MTUS2: variants seen among roughly 807,000 people sequenced by gnomAD.
The protein encoded by MTUS2 is microtubule associated scaffold protein 2, also known as microtubule-associated tumor suppressor candidate 2.
MTUS2 carries 40 observed loss-of-function variants against 114.1 expected under a neutral mutation model. That is an observed-to-expected ratio of 0.35 (90% confidence interval 0.27 to 0.46). MTUS2 has a LOEUF of 0.46. Ranked by LOEUF, MTUS2 falls within the 20% of genes least tolerant of loss-of-function variation. MTUS2 has a pLI of 1.00. For synonymous variants in MTUS2, 688 were observed against 672.0 expected, an observed-to-expected ratio of 1.02 and a Z score of -0.37; for missense variants, 1,679 against 1,705.4, an observed-to-expected ratio of 0.98 and a Z score of 0.27.
chr13:29,300,796 T>G (rs1899168226), intron 6 of MTUS2, among the ~76,000 whole-genome samples: 1 of 152,218 alleles, frequency 6.6e-6, no homozygotes, highest in Non-Finnish European at 1.5e-5. Flanking sequence ...CATCCATGGC[T>G]GGATTCACTA....
chr13:28,954,552 A>G (rs936898474), intron 2 of MTUS2, among the ~76,000 whole-genome samples: 5 of 152,172 alleles, frequency 3.3e-5, no homozygotes, highest in African/African-American at 1.2e-4. Flanking sequence ...ATAGTGGCCC[A>G]TATGGGGAGT....
intron 2 of MTUS2, among the ~76,000 whole-genome samples, chr13:28,871,897 C>G (rs73454653): frequency 6.6e-6 from 1 of 151,896 alleles, no homozygotes; most frequent in East Asian, 1.9e-4. Flanking sequence ...TGCAAAGGCC[C>G]GGTGGAGGGA....
intron 5 of MTUS2, among the ~76,000 whole-genome samples, chr13:29,123,087 T>G (rs1436811969): frequency 6.6e-6 from 1 of 152,200 alleles, no homozygotes; most frequent in Non-Finnish European, 1.5e-5. Context: ...CCCTGACGTT[T>G]CTATGCTTCA....
At chr13:29,272,804 C>A (rs1002321207) in intron 5 of MTUS2, among the ~76,000 whole-genome samples, 1 of 152,180 alleles carries the variant, frequency 6.6e-6, no homozygotes, top group Admixed American at 6.5e-5. Flanking sequence ...TTTCTTTGTG[C>A]TGCTATAACA....
At chr13:29,021,556 T>G (rs1319714960) in intron 2 of MTUS2, among the ~76,000 whole-genome samples, 1 of 152,222 alleles carries the variant, frequency 6.6e-6, no homozygotes, top group Non-Finnish European at 1.5e-5. Context: ...CTTCAACAAT[T>G]CAAACCGAAG....
rs1870468898 is a variant in MTUS2, at chr13:29,363,772, A to G, written c.3117+4299A>G. Among the ~76,000 whole-genome samples, 5 of 152,314 alleles carry G rather than the reference A, an allele frequency of 3.3e-5. No individual in the cohort carries two copies. The South Asian group carries it at 1.0e-3, about 32-fold the overall frequency. On this transcript the variant is annotated intron_variant, in intron 8 of 15. Coordinates refer to ENST00000612955, the MANE Select transcript of MTUS2 (RefSeq NM_001033602.4). The stretch of plus-strand genomic sequence containing the variant: ...AATCTTTAGCAACTCTGTCTCTACC[A>G]TATGGGGTGGGTAGGTAGGGAGGAT...
chr13:29,101,052 A>T, intron 5 of MTUS2, 82 bp downstream of exon 5: 1 of 1,371,428 alleles, frequency 7.3e-7, no homozygotes, highest in Non-Finnish European at 9.7e-7. Flanking sequence ...TTTTCTTTGC[A>T]TGATTATTTA....
chr13:29,306,504 A>G (rs1899466581), intron 6 of MTUS2, among the ~76,000 whole-genome samples: 1 of 152,236 alleles, frequency 6.6e-6, no homozygotes, highest in Admixed American at 6.5e-5. Context: ...ACAGGAAAGC[A>G]GAGAGCCAAA....
At chr13:28,936,746 T>C (rs773864238) in intron 2 of MTUS2, among the ~76,000 whole-genome samples, 37 of 152,114 alleles carry the variant, frequency 2.4e-4, no homozygotes, top group Non-Finnish European at 8.8e-5. Context: ...CAAGAATTGA[T>C]TGGGTTGTCT....
At chr13:29,054,099 T>C (rs1034060061) in intron 4 of MTUS2, among the ~76,000 whole-genome samples, 3 of 152,222 alleles carry the variant, frequency 2.0e-5, no homozygotes, top group Non-Finnish European at 4.4e-5. Flanking sequence ...TTTTTAATAT[T>C]AGCCAGTCCA....
At chr13:29,002,315 A>G (rs1885420595) in intron 2 of MTUS2, among the ~76,000 whole-genome samples, 1 of 152,204 alleles carries the variant, frequency 6.6e-6, no homozygotes, top group Non-Finnish European at 1.5e-5. Context: ...AACAGTTTTT[A>G]GAAGGTAGGC....
chr13:28,929,230 A>G (rs1201035029), intron 2 of MTUS2, among the ~76,000 whole-genome samples: 3 of 152,136 alleles, frequency 2.0e-5, no homozygotes, highest in African/African-American at 7.2e-5. Context: ...TAGCTCAAAG[A>G]AATAAGAGCT....
Position 29,026,822 on chromosome 13 carries a change from C to G in MTUS2, c.2124C>G (p.Val708=). 1 of 1,611,290 alleles carries G rather than the reference C, an allele frequency of 6.2e-7. No individual in the cohort carries two copies. The highest frequency in any genetic ancestry group is 8.5e-7 in the Non-Finnish European group (1 of 1,179,870). The part of the protein sequence containing the change: ...KFKPDLQKPR[V]FSSGLMVSGI... Reference sequence around the variant, plus strand: ...AGCCAGACCTGCAGAAGCCAAGGGTCTTCAGTTCCGGATTGATGGTGTCTG... The same window carrying G: ...AGCCAGACCTGCAGAAGCCAAGGGTGTTCAGTTCCGGATTGATGGTGTCTG... Residue 708 remains valine, a synonymous_variant, in exon 3 of 16, where the codon GTC becomes GTG. Transcript: ENST00000612955.
chr13:28,841,413 G>C (rs1010209179), intron 2 of MTUS2, among the ~76,000 whole-genome samples: 1 of 152,226 alleles, frequency 6.6e-6, no homozygotes, highest in Non-Finnish European at 1.5e-5. Context: ...AAGTGGTGCA[G>C]GTTGTGGGGT....
At chr13:29,215,567 G>A (rs1453140804) in intron 5 of MTUS2, among the ~76,000 whole-genome samples, 2 of 147,244 alleles carry the variant, frequency 1.4e-5, no homozygotes, top group African/African-American at 5.0e-5. Flanking sequence ...TTGTGTGCAT[G>A]TTCTTTTTGT....
At chr13:28,857,674 A>G (rs2138054245) in intron 2 of MTUS2, among the ~76,000 whole-genome samples, 1 of 152,358 alleles carries the variant, frequency 6.6e-6, no homozygotes, top group African/African-American at 2.4e-5. Context: ...AGGACATGTT[A>G]ATGGAACTTT....
intron 2 of MTUS2, among the ~76,000 whole-genome samples, chr13:28,850,341 A>C (rs950040066): frequency 2.0e-5 from 3 of 152,218 alleles, no homozygotes; most frequent in African/African-American, 7.2e-5. Context: ...GTTCAGATAC[A>C]ACATGGAAAG....
chr13:29,244,763 C>T lies in MTUS2; in HGVS notation c.2645-36941C>T, dbSNP rs924757561. ...CGAGGTCAGGAGATCGAGACCATCC[C>T]GGCTAAAACGGTGAAACCCCGTCTC... On this transcript the variant is annotated intron_variant, in intron 5 of 15. Transcript: ENST00000612955. Among the ~76,000 whole-genome samples the T allele has an allele frequency of 6.0e-5, 9 of 150,948 alleles. No homozygotes were observed. The South Asian group carries it at 6.4e-4, about 11-fold the overall frequency.
At chr13:29,451,511 C>G (rs946937704) in intron 9 of MTUS2, among the ~76,000 whole-genome samples, 3 of 152,064 alleles carry the variant, frequency 2.0e-5, no homozygotes, top group Non-Finnish European at 4.4e-5. Flanking sequence ...AAGCTCTTTC[C>G]TAGGTAAGGT....
Sources: gnomAD v4.1 joint callset for allele counts (sites outside exome capture counted in the v4.1 genomes callset) on GRCh38, gnomAD v4.1.1 for gene constraint, MANE v1.5 for transcripts, NCBI Gene and HGNC (gene_info 2026-07-23, HGNC 2026-07-21) for gene names.